AMPD1: variants seen among roughly 807,000 people sequenced by gnomAD.
AMPD1 encodes adenosine monophosphate deaminase 1, also known as AMP deaminase 1.
AMPD1 carries 74 observed loss-of-function variants against 82.9 expected under a neutral mutation model. The ratio of observed to expected loss-of-function variants is 0.89; its 90% confidence interval spans 0.74 to 1.08. The LOEUF (loss-of-function observed/expected upper bound fraction) is 1.08, where lower values mean the gene tolerates loss of function less well. Ranked by LOEUF, AMPD1 falls within the 50% of genes least tolerant of loss-of-function variation. AMPD1 has a pLI of 0.00. For synonymous variants in AMPD1, 333 were observed against 320.5 expected, an observed-to-expected ratio of 1.04 and a Z score of -0.42; for missense variants, 881 against 924.5, an observed-to-expected ratio of 0.95 and a Z score of 0.61.
Position 114,684,314 on chromosome 1 carries a change from T to C in AMPD1, c.432A>G (p.Leu144=), listed in dbSNP as rs750531736. 6.2e-7 allele frequency: 1 copy of C among 1,613,870 alleles called. No individual in the cohort carries two copies. Among genetic ancestry groups the C allele is most frequent in the Non-Finnish European group, 8.5e-7 (1 of 1,180,004 alleles). The stretch of plus-strand genomic sequence containing the variant: ...TCTGCATGTATTTCTCACGTATGCA[T>C]AGTGCCCGATACAGACCTTTGCAAA... ...EIVCKGLYRA[L]CIREKYMQKS... is the part of the protein sequence containing the mutation. The change falls in exon 5 of 16, where the codon CTA becomes CTG. Residue 144 remains leucine, a synonymous_variant. Coordinates refer to ENST00000520113, the MANE Select transcript of AMPD1 (RefSeq NM_000036.3).
At chr1:114,695,147 A>G (rs1184010210) in intron 1 of AMPD1, among the ~76,000 whole-genome samples, 1 of 152,174 alleles carries the variant, frequency 6.6e-6, no homozygotes, top group Non-Finnish European at 1.5e-5. Flanking sequence ...TCTCAGAGCT[A>G]TGGCAGCACA....
rs781739971 is a variant in AMPD1 at position 114,677,354 on chromosome 1, A to G, written c.1385T>C (p.Ile462Thr). Residue 462 changes from isoleucine (I) to threonine (T), a missense_variant, in exon 10 of 16, where the codon ATC becomes ACC. Ile to Thr is a moderately conservative substitution (Grantham distance 89). Coordinates refer to ENST00000520113, the MANE Select transcript of AMPD1 (RefSeq NM_000036.3). Reference protein sequence around the residue: ...NMTWMIQVPRIYDVFRSKNFL... With the variant: ...NMTWMIQVPRTYDVFRSKNFL... ...TTTCTGATGGGCAGGTACATACTAG[A>G]TCCTGGGAACCTGGATCATCCATGT... The G allele has an allele frequency of 6.2e-7, 1 of 1,609,762 alleles. No homozygotes were observed. Among genetic ancestry groups the G allele is most frequent in the Non-Finnish European group, 8.5e-7 (1 of 1,179,114 alleles).
chr1:114,688,493 C>T, intron 3 of AMPD1, 68 bp downstream of exon 3: 4 of 1,536,994 alleles, frequency 2.6e-6, no homozygotes, highest in Non-Finnish European at 3.6e-6. Context: ...TAAATTGAAC[C>T]ATATCTTCCC....
intron 4 of AMPD1, among the ~76,000 whole-genome samples, chr1:114,685,651 C>G (rs1160880864): frequency 2.6e-5 from 4 of 152,136 alleles, no homozygotes; most frequent in African/African-American, 9.7e-5. Flanking sequence ...TGTTCGTCCT[C>G]CTAACTTCTT....
Position 114,678,003 on chromosome 1 carries a change from G to A in AMPD1, c.1131C>T (p.Asp377=). The A allele has an allele frequency of 6.2e-7, 1 of 1,613,946 alleles. No individual in the cohort carries two copies. Among genetic ancestry groups the A allele is most frequent in the Non-Finnish European group, 8.5e-7 (1 of 1,179,982 alleles). The change falls in exon 9 of 16, where the codon GAC becomes GAT. Residue 377 remains aspartate (D), a synonymous_variant. Transcript: ENST00000520113. ...QTFQRFDKFN[D]KYNPVGASEL... is the part of the protein sequence containing the mutation. ...CACTTGCTCCTACAGGATTATATTT[G>A]TCATTGAACTTATCAAAACGCTGGA... is the stretch of plus-strand genomic sequence containing the variant.
At chr1:114,692,517 C>T (rs897083522) in intron 2 of AMPD1, among the ~76,000 whole-genome samples, 1 of 151,862 alleles carries the variant, frequency 6.6e-6, no homozygotes, top group African/African-American at 2.4e-5. Context: ...AACCTCGTCT[C>T]TACTAAAAAT....
Position 114,674,155 on chromosome 1 carries a change from T to C in AMPD1, c.1801-73A>G, listed in dbSNP as rs986411706. The C allele has an allele frequency of 3.6e-6, 5 of 1,394,764 alleles. No individual in the cohort carries two copies. In the African/African-American group the frequency reaches 5.7e-5, roughly 16 times the overall value. 86.4% of individuals were successfully genotyped at this position (1,394,764 alleles called of 1,614,324 possible). A position where few individuals can be genotyped will look rare whatever the true frequency, so the allele number is the denominator to read the frequency against. On this transcript the variant is annotated intron_variant, in intron 13 of 15. Transcript: ENST00000520113. The stretch of plus-strand genomic sequence containing the variant: ...ACAAACTAGAAACACTACAATCTCA[T>C]GGTCTGCCTTAAGCTTCAGCTTTCA...
chr1:114,676,147 T>C, intron 10 of AMPD1, 144 bp from the exon 11 acceptor site: 1 of 1,040,956 alleles, frequency 9.6e-7, no homozygotes, highest in Middle Eastern at 3.0e-4. Context: ...TCATACATTC[T>C]TTTTGGTCCC....
intron 5 of AMPD1, among the ~76,000 whole-genome samples, chr1:114,682,802 T>A (rs946382618): frequency 6.6e-6 from 1 of 152,098 alleles, no homozygotes; most frequent in South Asian, 2.1e-4. Flanking sequence ...ATGGTCTCGA[T>A]CTCCTGACCT....
chr1:114,679,468 A>G, intron 7 of AMPD1, 111 bp downstream of exon 7: 1 of 1,452,616 alleles, frequency 6.9e-7, no homozygotes, highest in African/African-American at 1.4e-5. Context: ...AAATCCACTG[A>G]ACCTGTAGAA....
chr1:114,677,485 C>T lies in AMPD1; in HGVS notation c.1254G>A (p.Lys418=). ...KEVGADLVEA[K]YQHAEPRLSI... ...ACAGGCGGGGCTCAGCATGCTGGTACTTGGCCTCCACCAGGTCCGCACCTA... is the reference window on the plus strand; with the variant it reads ...ACAGGCGGGGCTCAGCATGCTGGTATTTGGCCTCCACCAGGTCCGCACCTA... The change falls in exon 10 of 16, where the codon AAG becomes AAA. Residue 418 remains lysine (K), a synonymous_variant. Coordinates refer to ENST00000520113, the MANE Select transcript of AMPD1 (RefSeq NM_000036.3). 1 of 1,613,512 alleles carries T rather than the reference C, an allele frequency of 6.2e-7. No homozygotes were observed. The highest frequency in any genetic ancestry group is 8.5e-7 in the Non-Finnish European group (1 of 1,179,922).
At position 114,675,959 on chromosome 1, in the gene AMPD1, A is replaced by T; in HGVS notation, c.1433T>A (p.Met478Lys). The change falls in exon 11 of 16, where the codon ATG (methionine) becomes AAG (lysine). Residue 478 changes from methionine to lysine, a missense_variant. By Grantham distance (95) the Met-to-Lys change is moderately conservative (BLOSUM62 -1). Transcript: ENST00000520113. Reference sequence around the variant, plus strand: ...CACTGGCATGAAAATATTCTCCAGCATTTTTCCAAAATGTGGAAGGAAATT... The same window carrying T: ...CACTGGCATGAAAATATTCTCCAGCTTTTTTCCAAAATGTGGAAGGAAATT... ...SKNFLPHFGK[M>K]LENIFMPVFE... The T allele has an allele frequency of 6.2e-7, 1 of 1,614,074 alleles. No homozygotes were observed. The highest frequency in any genetic ancestry group is 1.1e-5 in the South Asian group (1 of 91,076).
intron 5 of AMPD1, chr1:114,683,167 T>A (rs766801862): frequency 2.2e-6 from 1 of 463,022 alleles, no homozygotes; most frequent in East Asian, 6.4e-5. Flanking sequence ...AATAAAGTGC[T>A]ATGGAAAGTC....
chr1:114,687,647 G>A (rs765784425), intron 3 of AMPD1, among the ~76,000 whole-genome samples: 1 of 152,170 alleles, frequency 6.6e-6, no homozygotes, highest in South Asian at 2.1e-4. Context: ...GGGGACTAAA[G>A]TGTGGCTGGT....
At chr1:114,682,595 T>TC (rs1341716586) in intron 5 of AMPD1, among the ~76,000 whole-genome samples, 4 of 151,678 alleles carry the variant, frequency 2.6e-5, no homozygotes, top group Admixed American at 6.6e-5. Flanking sequence ...TTTTTTTTTT[T>TC]TGAGACGGAG....
At position 114,684,372 on chromosome 1, in the gene AMPD1, A is replaced by C; in HGVS notation, c.382-8T>G. 1 of 1,607,096 alleles carries C rather than the reference A, an allele frequency of 6.2e-7. No individual in the cohort carries two copies. Among genetic ancestry groups the C allele is most frequent in the Non-Finnish European group, 8.5e-7 (1 of 1,174,420 alleles). ...AAAATCTTCAACTGTAACCTGCCAAAAAAAAAAAAGTCAGCATATCAGAGT... is the reference window on the plus strand; with the variant it reads ...AAAATCTTCAACTGTAACCTGCCAACAAAAAAAAAGTCAGCATATCAGAGT... On this transcript the variant is annotated splice_polypyrimidine_tract_variant and splice_region_variant and intron_variant, in intron 4 of 15. Transcript: ENST00000520113.
rs915800278 is a variant in AMPD1, at chr1:114,678,176, G to A, written c.1093-135C>T. The A allele has an allele frequency of 4.8e-6, 7 of 1,466,318 alleles. No homozygotes were observed. The South Asian group carries it at 6.9e-5, about 14-fold the overall frequency. The allele number at this position is 1,466,318 out of a possible 1,614,324, so 90.8% of individuals were successfully genotyped here. A position where few individuals can be genotyped will look rare whatever the true frequency, so the allele number is the denominator to read the frequency against. On this transcript the variant is annotated intron_variant, in intron 8 of 15. Transcript: ENST00000520113. ...GGCTCCAAGAATGGAATTTGGGACA[G>A]GTGACAATGAGCAAACTTCAAAATT...
intron 12 of AMPD1, 29 bp downstream of exon 12, chr1:114,675,501 C>T: frequency 6.2e-7 from 1 of 1,611,162 alleles, no homozygotes; most frequent in Non-Finnish European, 8.5e-7. Context: ...TCAAATAGAC[C>T]CTCCTAGCTC....
chr1:114,689,218 A>G (rs1479850230), intron 2 of AMPD1, among the ~76,000 whole-genome samples: 2 of 152,202 alleles, frequency 1.3e-5, no homozygotes, highest in Admixed American at 1.3e-4. Context: ...AGTTCTGAGA[A>G]ATAAATGTGT....
Sources: gnomAD v4.1 joint callset for allele counts (sites outside exome capture counted in the v4.1 genomes callset) on GRCh38, gnomAD v4.1.1 for gene constraint, MANE v1.5 for transcripts, NCBI Gene and HGNC (gene_info 2026-07-23, HGNC 2026-07-21) for gene names.